The following MAPK8IP2 variants were observed in gnomAD, a reference collection of about 807,000 sequenced individuals.
MAPK8IP2 encodes the protein C-Jun-amino-terminal kinase-interacting protein 2.
A neutral mutation model predicts 75.6 loss-of-function variants in MAPK8IP2; 15 were observed. That is an observed-to-expected ratio of 0.20 (90% CI 0.13 to 0.31). MAPK8IP2 has a LOEUF of 0.31. Among genes scored for constraint, MAPK8IP2 ranks in the 10% least tolerant of loss-of-function variants. The probability of loss-of-function intolerance (pLI) is 1.00; values close to 1 mark genes in which losing one functional copy is unlikely to be tolerated. For synonymous variants in MAPK8IP2, 632 were observed against 554.5 expected (o/e 1.14, Z -1.96); for missense variants, 1,089 against 1,211.2 (o/e 0.90, Z 1.50).
Position 50,604,464 on chromosome 22 carries a change from G to A in MAPK8IP2, c.1165G>A (p.Gly389Arg). 7.3e-7 allele frequency: 1 copy of A among 1,371,444 alleles called. No homozygotes were observed. 85.0% of individuals were successfully genotyped at this position (1,371,444 alleles called of 1,614,324 possible). ...CGGGGAGCCCGTGTCGCCGGCCGGC[G>A]GGGCCGCCCAGGACTCCCAGGACCC... is the stretch of plus-strand genomic sequence containing the variant. The part of the protein sequence containing the change: ...PPGEPVSPAG[G>R]AAQDSQDPEA... Residue 389 changes from glycine to arginine, a missense_variant, in exon 5 of 12, where the codon GGG becomes AGG. Transcript: ENST00000329492.
rs369627160 is a variant in MAPK8IP2, at chr22:50,605,881, G to A, written c.2071G>A (p.Val691Met). The A allele has an allele frequency of 4.4e-6, 7 of 1,587,752 alleles. No individual in the cohort carries two copies. The highest frequency in any genetic ancestry group is 1.8e-5 in the Admixed American group (1 of 56,072). ...CTTTGACGTGCAGTTCCTGGGCTCC[G>A]TGGAGGTGCCCTGCCACCAGGGCAA... ...ERFDVQFLGS[V>M]EVPCHQGNGI... The change falls in exon 8 of 12, where the codon GTG becomes ATG. Residue 691 changes from valine to methionine, a missense_variant. Val to Met is a conservative substitution (Grantham distance 21). Coordinates refer to ENST00000329492, the MANE Select transcript of MAPK8IP2 (RefSeq NM_012324.6).
In MAPK8IP2 at chr22:50,606,930, T is replaced by C; in HGVS notation, c.2242T>C (p.Cys748Arg). ...LSGGGPEFQR[C>R]SHFFQMKNIS... ...CCCACCTCTGCTCTAGTTCCAGCGC[T>C]GCAGCCATTTCTTCCAGATGAAGAA... The change falls in exon 10 of 12, where the codon TGC (cysteine) becomes CGC (arginine). Residue 748 changes from cysteine (C) to arginine (R), a missense_variant. Cys to Arg is a radical substitution (Grantham distance 180, BLOSUM62 -3). This residue lies in a region of MAPK8IP2 where 129 missense variants were observed against 201.7 expected (regional missense o/e 0.64). Coordinates refer to ENST00000329492, the MANE Select transcript of MAPK8IP2 (RefSeq NM_012324.6). 2 of 1,613,734 alleles carry C rather than the reference T, an allele frequency of 1.2e-6. No homozygotes were observed. Among genetic ancestry groups the C allele is most frequent in the East Asian group, 4.5e-5 (2 of 44,898 alleles).
chr22:50,604,004 C>T lies in MAPK8IP2; in HGVS notation c.705C>T (p.Arg235=), dbSNP rs2070990373. 2 of 1,558,620 alleles carry T rather than the reference C, an allele frequency of 1.3e-6. No homozygotes were observed. The highest frequency in any genetic ancestry group is 1.4e-5 in the African/African-American group (1 of 73,032). Residue 235 remains arginine, a synonymous_variant, in exon 5 of 12, where the codon CGC becomes CGT. Coordinates refer to ENST00000329492, the MANE Select transcript of MAPK8IP2 (RefSeq NM_012324.6). ...GCATCGAGGCTGACCTGAGAAGCCG[C>T]TCGAGCGGCGGCCGCGGGGGACGTC... ...DPGIEADLRS[R]SSGGRGGRRS...
At chr22:50,602,511 C>T (rs904972999) in intron 2 of MAPK8IP2, among the ~76,000 whole-genome samples, 22 of 152,304 alleles carry the variant, frequency 1.4e-4, no homozygotes, top group South Asian at 4.1e-4. Flanking sequence ...GTGTCAAGGG[C>T]TGCATTCCAA....
rs1050867344 is a variant in MAPK8IP2, at chr22:50,610,284, C to T, written c.2376C>T (p.Ser792=). 9.3e-6 allele frequency: 15 copies of T among 1,608,176 alleles called. No individual in the cohort carries two copies. In the Admixed American group the frequency reaches 1.7e-4, roughly 18 times the overall value. Residue 792 remains serine (S), a synonymous_variant, in exon 11 of 12, where the codon TCC becomes TCT. Coordinates refer to ENST00000329492, the MANE Select transcript of MAPK8IP2 (RefSeq NM_012324.6). This position sits in a 1 kb window ranked among gnomAD's most constrained non-coding sequence, Gnocchi z 4.3. ...FACHVFVSQE[S]MRPVAQSVGR... ...GCCACGTCTTTGTCTCCCAGGAGTC[C>T]ATGAGGCCGGTGGCGCAGAGTGTGG... is the stretch of plus-strand genomic sequence containing the variant.
In MAPK8IP2 at chr22:50,610,082, G is replaced by C. The variant is rs906078854; in HGVS notation, c.2304-130G>C. The C allele has an allele frequency of 1.2e-5, 9 of 739,508 alleles. No homozygotes were observed. Among genetic ancestry groups the C allele is most frequent in the Non-Finnish European group, 1.9e-5 (8 of 416,518 alleles). 45.8% of individuals were successfully genotyped at this position (739,508 alleles called of 1,614,324 possible). On this transcript the variant is annotated intron_variant, in intron 10 of 11. Transcript: ENST00000329492. This position sits in a 1 kb window ranked among gnomAD's most constrained non-coding sequence, Gnocchi z 4.3. ...ACAACTTCAGATCTTGAAATTGTGC[G>C]ACCCCCACACTCCTGTCCCTTACCC...
At position 50,611,687 on chromosome 22, in the gene MAPK8IP2, G is replaced by C. The variant is rs2071154062; in HGVS notation, c.*908G>C. ...TAGCTCTTTCCGAAATTGTGCCGGG[G>C]GTCCCTGCGGTGCTGCTCTGGGGCC... On this transcript the variant is annotated 3_prime_UTR_variant, in exon 12 of 12. Transcript: ENST00000329492. This position sits in a 1 kb window ranked among gnomAD's most constrained non-coding sequence, Gnocchi z 5.5. 2 of 152,430 alleles carry C rather than the reference G, an allele frequency of 1.3e-5. No homozygotes were observed. The highest frequency in any genetic ancestry group is 4.1e-4 in the South Asian group (2 of 4,826). 9.4% of individuals were successfully genotyped at this position (152,430 alleles called of 1,614,324 possible).
intron 9 of MAPK8IP2, 56 bp from the exon 10 acceptor site, chr22:50,606,865 C>G: frequency 6.3e-7 from 1 of 1,597,262 alleles, no homozygotes; most frequent in Non-Finnish European, 8.6e-7. Context: ...AGGTGGGAGG[C>G]AGGGGTGGCG....
chr22:50,601,792 T>C lies in MAPK8IP2; in HGVS notation c.69T>C (p.Pro23=). Residue 23 remains proline (P), a synonymous_variant, in exon 2 of 12, where the codon CCT becomes CCC. Coordinates refer to ENST00000329492, the MANE Select transcript of MAPK8IP2 (RefSeq NM_012324.6). ...FHSLSPPGCR[P]PQDISLEEFD... ...CTGACCCTGGTCTCCTTTCCAGGCC[T>C]CCCCAGGACATAAGCCTGGAAGAAT... 2 of 1,613,018 alleles carry C rather than the reference T, an allele frequency of 1.2e-6. No individual in the cohort carries two copies. The highest frequency in any genetic ancestry group is 1.7e-6 in the Non-Finnish European group (2 of 1,179,278).
At position 50,606,778 on chromosome 22, in the gene MAPK8IP2, G is replaced by T. The variant is rs2071059093; in HGVS notation, c.2232+13G>T. On this transcript the variant is annotated intron_variant, in intron 9 of 11. Transcript: ENST00000329492. Reference sequence around the variant, plus strand: ...AGGAGGGCCCGAGGTGGGAGTGTGGGGGACTGGGGACCGGGGACTGGGGGA... The same window carrying T: ...AGGAGGGCCCGAGGTGGGAGTGTGGTGGACTGGGGACCGGGGACTGGGGGA... 2 of 1,573,660 alleles carry T rather than the reference G, an allele frequency of 1.3e-6. No homozygotes were observed. The highest frequency in any genetic ancestry group is 3.7e-5 in the Admixed American group (2 of 53,922).
Position 50,609,723 on chromosome 22 carries a change from G to A in MAPK8IP2, c.2304-489G>A, listed in dbSNP as rs768050275. 5.3e-5 allele frequency: 27 copies of A among 510,066 alleles called. No homozygotes were observed. The Middle Eastern group carries it at 9.6e-4, about 18-fold the overall frequency. 31.6% of individuals were successfully genotyped at this position (510,066 alleles called of 1,614,324 possible). ...GCAGTGACTCCATGAGCGAGGCCCC[G>A]CAAGGAGCTGCTTTCCAGTGGGAGC... On this transcript the variant is annotated intron_variant, in intron 10 of 11. Transcript: ENST00000329492.
In MAPK8IP2 at chr22:50,603,662, C is replaced by T; in HGVS notation, c.484C>T (p.Arg162Cys). The part of the protein sequence containing the change: ...LNNNGGFDLV[R>C]PASWQETALC... Reference sequence around the variant, plus strand: ...CAACAACGGAGGCTTTGACCTGGTGCGTCCGGCCTCCTGGCAGGAGACAGC... The same window carrying T: ...CAACAACGGAGGCTTTGACCTGGTGTGTCCGGCCTCCTGGCAGGAGACAGC... Residue 162 changes from arginine (R) to cysteine (C), a missense_variant, in exon 4 of 12, where the codon CGT becomes TGT. Arg to Cys is a radical substitution (Grantham distance 180, BLOSUM62 -3). This residue lies in a region of MAPK8IP2 where 960 missense variants were observed against 1,009.6 expected (regional missense o/e 0.95). Transcript: ENST00000329492. 6.3e-7 allele frequency: 1 copy of T among 1,592,264 alleles called. No homozygotes were observed. Among genetic ancestry groups the T allele is most frequent in the Middle Eastern group, 1.7e-4 (1 of 6,044 alleles).
In MAPK8IP2 at chr22:50,603,254, C is replaced by A; in HGVS notation, c.203C>A (p.Pro68Gln). 1 of 1,604,912 alleles carries A rather than the reference C, an allele frequency of 6.2e-7. No individual in the cohort carries two copies. The highest frequency in any genetic ancestry group is 8.5e-7 in the Non-Finnish European group (1 of 1,176,948). The change falls in exon 3 of 12, where the codon CCG becomes CAG. Residue 68 changes from proline (P) to glutamine (Q), a missense_variant. Around this residue, in one of 2 missense-constraint regions of MAPK8IP2, gnomAD observed 960 missense variants for 1,009.6 expected, o/e 0.95. Coordinates refer to ENST00000329492, the MANE Select transcript of MAPK8IP2 (RefSeq NM_012324.6). ...CTCTCCCTGGGGCGCTCGGAGCAGC[C>A]GCACCCCATCTGCTCCTTCCAGGAT... ...DSLSLGRSEQPHPICSFQDDF... is the reference protein window; with the variant it reads ...DSLSLGRSEQQHPICSFQDDF...
intron 10 of MAPK8IP2, among the ~76,000 whole-genome samples, chr22:50,608,715 G>C (rs1484667012): frequency 7.2e-6 from 1 of 138,022 alleles, no homozygotes; most frequent in Non-Finnish European, 1.6e-5. Context: ...AGGTGGGACA[G>C]TGGGCACGGG....
intron 10 of MAPK8IP2, among the ~76,000 whole-genome samples, chr22:50,609,130 G>A (rs892580817): frequency 3.3e-5 from 5 of 152,178 alleles, no homozygotes; most frequent in East Asian, 1.9e-4. Context: ...AGGCACGGAC[G>A]AAACCGTGTG....
In MAPK8IP2 at chr22:50,603,210, C is replaced by T. The variant is rs1244792180; in HGVS notation, c.172-13C>T. On this transcript the variant is annotated splice_polypyrimidine_tract_variant and intron_variant, in intron 2 of 11. Coordinates refer to ENST00000329492, the MANE Select transcript of MAPK8IP2 (RefSeq NM_012324.6). ...CCTCTGGCCCAGCCCTGCTATCTCC[C>T]TCCGTCCTGCAGGACAGCCTCTCCC... The T allele has an allele frequency of 6.8e-6, 11 of 1,612,074 alleles. No homozygotes were observed. The highest frequency in any genetic ancestry group is 3.3e-5 in the Admixed American group (2 of 59,980).
Position 50,604,285 on chromosome 22 carries a change from GCGAGTA to G in MAPK8IP2, c.992_997del (p.Tyr331_Glu332del). On this transcript the variant is annotated inframe_deletion, in exon 5 of 12. Coordinates refer to ENST00000329492, the MANE Select transcript of MAPK8IP2 (RefSeq NM_012324.6). Reference sequence around the variant, plus strand: ...CCCGTGGGCCCCGACGACACCAACAGCGAGTACGAGTCGGGGTCGGAGTCGGAGCCG... The same window carrying G: ...CCCGTGGGCCCCGACGACACCAACAGCGAGTCGGGGTCGGAGTCGGAGCCG... 6.4e-7 allele frequency: 1 copy of G among 1,567,108 alleles called. No homozygotes were observed. The highest frequency in any genetic ancestry group is 8.6e-7 in the Non-Finnish European group (1 of 1,164,384).
chr22:50,608,039 A>G (rs2071079056), intron 10 of MAPK8IP2, among the ~76,000 whole-genome samples: 1 of 152,118 alleles, frequency 6.6e-6, no homozygotes, highest in Non-Finnish European at 1.5e-5. Context: ...AGTTGGAGGA[A>G]GCAGGCTCAC....
At chr22:50,605,196 C>T in intron 5 of MAPK8IP2, 132 bp downstream of exon 5, 1 of 1,180,246 alleles carries the variant, frequency 8.5e-7, no homozygotes. Context: ...GTGCCCTCTC[C>T]CACCCAGGAC....
Sources: gnomAD v4.1 joint callset for allele counts (sites outside exome capture counted in the v4.1 genomes callset) on GRCh38, gnomAD v4.1.1 for gene constraint, gnomAD v4.1.1 regional missense constraint, Gnocchi (gnomAD v3.1) non-coding constraint, MANE v1.5 for transcripts, NCBI Gene and HGNC (gene_info 2026-07-23, HGNC 2026-07-21) for gene names.